The following CLIC4 variants were observed in gnomAD, a reference collection of about 807,000 sequenced individuals.
CLIC4 encodes the protein CLIC family member 4.
A neutral mutation model predicts 24.6 loss-of-function variants in CLIC4; 13 were observed. The ratio of observed to expected loss-of-function variants is 0.53; its 90% confidence interval spans 0.34 to 0.84. The LOEUF (loss-of-function observed/expected upper bound fraction) is 0.84, where lower values mean the gene tolerates loss of function less well. CLIC4 is among the 40% of genes least tolerant of loss of function. The pLI, the probability that CLIC4 is intolerant of heterozygous loss-of-function variation, is 0.01. For synonymous variants in CLIC4, 104 were observed against 111.3 expected (o/e 0.93, Z 0.41); for missense variants, 227 against 301.7 (o/e 0.75, Z 1.83).
At chr1:24,770,721 C>T (rs1639060808) in intron 1 of CLIC4, among the ~76,000 whole-genome samples, 1 of 100,260 alleles carries the variant, frequency 1.0e-5, no homozygotes, top group African/African-American at 2.9e-5. Context: ...TTCCTCACAC[C>T]AATTCTTCTT....
intron 2 of CLIC4, among the ~76,000 whole-genome samples, chr1:24,807,759 T>TC (rs1217434189): frequency 6.6e-6 from 1 of 152,174 alleles, no homozygotes; most frequent in South Asian, 2.1e-4. Flanking sequence ...AAGACCTTCT[T>TC]CCCCTTTATC....
In CLIC4 at chr1:24,841,920, G is replaced by A. The variant is rs906098266; in HGVS notation, c.*983G>A. ...CAGAAATTAACCTAAGGAATGAAGG[G>A]TGGGTTTGTCAAAATATCAAGTAAA... is the stretch of plus-strand genomic sequence containing the variant. On this transcript the variant is annotated 3_prime_UTR_variant, in exon 6 of 6. Coordinates refer to ENST00000374379, the MANE Select transcript of CLIC4 (RefSeq NM_013943.3). 6.6e-6 allele frequency: 1 copy of A among 152,602 alleles called. No individual in the cohort carries two copies. Among genetic ancestry groups the A allele is most frequent in the Non-Finnish European group, 1.5e-5 (1 of 68,024 alleles). The allele number at this position is 152,602 out of a possible 1,614,324, so 9.5% of individuals were successfully genotyped here.
Position 24,745,493 on chromosome 1 carries a change from GAGCAGA to G in CLIC4, c.-55_-50del, listed in dbSNP as rs1638674707. ...GGAACCGGCAGCCGGAGCAGTCCCG[GAGCAGA>G]AGCAGCAGCAGCAGCAGCAGCCCTC... On this transcript the variant is annotated 5_prime_UTR_variant, in exon 1 of 6. Coordinates refer to ENST00000374379, the MANE Select transcript of CLIC4 (RefSeq NM_013943.3). 37 of 1,481,836 alleles carry G rather than the reference GAGCAGA, an allele frequency of 2.5e-5. No homozygotes were observed. Among genetic ancestry groups the G allele is most frequent in the Non-Finnish European group, 3.1e-5 (34 of 1,094,296 alleles). 91.8% of individuals were successfully genotyped at this position (1,481,836 alleles called of 1,614,324 possible).
At chr1:24,781,913 G>A (rs1014504842) in intron 1 of CLIC4, among the ~76,000 whole-genome samples, 1 of 152,042 alleles carries the variant, frequency 6.6e-6, no homozygotes, top group Non-Finnish European at 1.5e-5. Flanking sequence ...GCCTCCCAAA[G>A]TGCTGGGATT....
At chr1:24,758,541 T>G (rs905194307) in intron 1 of CLIC4, among the ~76,000 whole-genome samples, 5 of 151,828 alleles carry the variant, frequency 3.3e-5, no homozygotes, top group Non-Finnish European at 7.4e-5. Flanking sequence ...CACTGCAACC[T>G]CCACCTCCTG....
intron 2 of CLIC4, among the ~76,000 whole-genome samples, chr1:24,805,227 A>G (rs928593017): frequency 1.3e-5 from 2 of 152,180 alleles, no homozygotes; most frequent in Non-Finnish European, 2.9e-5. Flanking sequence ...TAGACAGATT[A>G]ACAATATTTA....
Position 24,797,958 on chromosome 1 carries a change from T to G in CLIC4, c.182+107T>G, listed in dbSNP as rs191449407. ...ATTCTCTAAAGGAAATATATTGTAT[T>G]AAAGTTCTGCTGGTTTATGGACAAA... On this transcript the variant is annotated intron_variant, in intron 2 of 5. Coordinates refer to ENST00000374379, the MANE Select transcript of CLIC4 (RefSeq NM_013943.3). 154 of 775,068 alleles carry G rather than the reference T, an allele frequency of 2.0e-4. 1 individual carries two copies. The highest frequency in any genetic ancestry group is 3.2e-4 in the Non-Finnish European group (149 of 472,478). 48.0% of individuals were successfully genotyped at this position (775,068 alleles called of 1,614,324 possible). A position where few individuals can be genotyped will look rare whatever the true frequency, so the allele number is the denominator to read the frequency against.
intron 3 of CLIC4, among the ~76,000 whole-genome samples, chr1:24,823,754 A>G (rs553637435): frequency 2.2e-3 from 324 of 148,958 alleles, no homozygotes; most frequent in Middle Eastern, 0.021. Flanking sequence ...AGCCTGGACA[A>G]TAAGAGCAAA....
intron 1 of CLIC4, among the ~76,000 whole-genome samples, chr1:24,795,359 T>C (rs895271240): frequency 2.6e-5 from 4 of 151,984 alleles, no homozygotes; most frequent in African/African-American, 7.3e-5. Flanking sequence ...TGAAGGAATG[T>C]GTACAACAGG....
intron 1 of CLIC4, among the ~76,000 whole-genome samples, chr1:24,770,926 T>C (rs1639063338): frequency 6.6e-6 from 1 of 152,194 alleles, no homozygotes; most frequent in South Asian, 2.1e-4. Flanking sequence ...ATTGGCTGGT[T>C]AGAGAGATTG....
chr1:24,747,788 A>AT lies in CLIC4; in HGVS notation c.72+2167dup, dbSNP rs1299883141. Among the ~76,000 whole-genome samples, 4 of 152,190 alleles carry AT rather than the reference A, an allele frequency of 2.6e-5. No individual in the cohort carries two copies. In the East Asian group the frequency reaches 7.7e-4, roughly 29 times the overall value. On this transcript the variant is annotated intron_variant, in intron 1 of 5. Transcript: ENST00000374379. ...GGGTGAGGTGACTCACACCTGTAGC[A>AT]TTTTGGGATGCCGAGATGGGGAGAT... is the stretch of plus-strand genomic sequence containing the variant.
At chr1:24,793,394 C>T (rs1639363121) in intron 1 of CLIC4, among the ~76,000 whole-genome samples, 1 of 152,126 alleles carries the variant, frequency 6.6e-6, no homozygotes, top group Non-Finnish European at 1.5e-5. Context: ...CTAACCTTCC[C>T]ACACCAGTGT....
chr1:24,748,530 T>C (rs1386908140), intron 1 of CLIC4, among the ~76,000 whole-genome samples: 1 of 126,238 alleles, frequency 7.9e-6, no homozygotes, highest in Admixed American at 9.9e-5. Context: ...TTTAATGAGA[T>C]GGTGTCTCGC....
intron 1 of CLIC4, among the ~76,000 whole-genome samples, chr1:24,752,092 T>C (rs1638784028): frequency 6.6e-6 from 1 of 152,148 alleles, no homozygotes. Context: ...AGGTTCCTAA[T>C]GTGCTTGGAC....
At chr1:24,822,841 AG>A (rs1639749368) in intron 3 of CLIC4, among the ~76,000 whole-genome samples, 1 of 152,058 alleles carries the variant, frequency 6.6e-6, no homozygotes, top group South Asian at 2.1e-4. Context: ...GAGTGGGAGG[AG>A]GAAGAGTTTC....
At chr1:24,824,284 T>C (rs1191738046) in intron 3 of CLIC4, among the ~76,000 whole-genome samples, 1 of 152,244 alleles carries the variant, frequency 6.6e-6, no homozygotes, top group Admixed American at 6.5e-5. Context: ...ACTTTTTTTT[T>C]TTGAGACGCA....
At chr1:24,810,665 T>A (rs2124148378) in intron 2 of CLIC4, among the ~76,000 whole-genome samples, 1 of 151,842 alleles carries the variant, frequency 6.6e-6, no homozygotes, top group East Asian at 1.9e-4. Flanking sequence ...CCCAGCTGCT[T>A]GGGAGGCTGA....
At chr1:24,788,486 G>A (rs1276214404) in intron 1 of CLIC4, among the ~76,000 whole-genome samples, 1 of 152,134 alleles carries the variant, frequency 6.6e-6, no homozygotes, top group African/African-American at 2.4e-5. Context: ...TTGGTTCCAG[G>A]ACTCCTCTGT....
chr1:24,840,823 C>G lies in CLIC4; in HGVS notation c.648C>G (p.Gly216=). The change falls in exon 6 of 6, where the codon GGC becomes GGG. Residue 216 remains glycine, a synonymous_variant. Transcript: ENST00000374379. The stretch of plus-strand genomic sequence containing the variant: ...TTGATATTCCAAAAGAAATGACTGG[C>G]ATCTGGAGATACCTAACTAATGCAT... ...RNFDIPKEMT[G]IWRYLTNAYS... 6.2e-7 allele frequency: 1 copy of G among 1,610,558 alleles called. No individual in the cohort carries two copies. Among genetic ancestry groups the G allele is most frequent in the African/African-American group, 1.3e-5 (1 of 74,802 alleles).
Sources: gnomAD v4.1 joint callset for allele counts (sites outside exome capture counted in the v4.1 genomes callset) on GRCh38, gnomAD v4.1.1 for gene constraint, MANE v1.5 for transcripts, NCBI Gene and HGNC (gene_info 2026-07-23, HGNC 2026-07-21) for gene names.